The following ABCA13 variants were observed in gnomAD, a reference collection of about 807,000 sequenced individuals.
ABCA13 encodes ATP binding cassette subfamily A member 13, also known as ATP-binding cassette sub-family A member 13.
Under a neutral mutation model 478.7 loss-of-function variants are expected in ABCA13, and 476 were observed. The ratio of observed to expected loss-of-function variants is 0.99; its 90% CI spans 0.92 to 1.07. The LOEUF (loss-of-function observed/expected upper bound fraction) is 1.07. ABCA13 is among the 50% of genes least tolerant of loss of function. The pLI, the probability that ABCA13 is intolerant of heterozygous loss-of-function variation, is 0.00. For synonymous variants in ABCA13, 2,252 were observed against 2,158.9 expected (o/e 1.04, Z -1.20); for missense variants, 6,060 against 5,910.6 (o/e 1.03, Z -0.83).
At chr7:48,333,174 T>C (rs1433124742) in intron 27 of ABCA13, among the ~76,000 whole-genome samples, 1 of 152,186 alleles carries the variant, frequency 6.6e-6, no homozygotes, top group African/African-American at 2.4e-5. Flanking sequence ...GTACCACACA[T>C]TGATCAGCTG....
rs367570188 is a variant in ABCA13, at chr7:48,293,192, G to GCCCCCCCCCCCCCCCCCC, written c.8956-2498_8956-2497insCCCCCCCCCCCCCCCCCC. The stretch of plus-strand genomic sequence containing the variant: ...TTCATCATTTCCTGAGAAGTCTTCA[G>GCCCCCCCCCCCCCCCCCC]CCCCCCCCCCGCCACACACACACTA... On this transcript the variant is annotated intron_variant, in intron 20 of 61. Transcript: ENST00000435803. Among the ~76,000 whole-genome samples, 10 of 108,322 alleles carry GCCCCCCCCCCCCCCCCCC rather than the reference G, an allele frequency of 9.2e-5. 1 individual carries two copies. The highest frequency in any genetic ancestry group is 1.8e-4 in the African/African-American group (6 of 32,952). 71.1% of individuals were successfully genotyped at this position (108,322 alleles called of 152,430 possible). A position where few individuals can be genotyped will look rare whatever the true frequency, so the allele number is the denominator to read the frequency against.
chr7:48,568,972 T>C (rs34836438), intron 55 of ABCA13, among the ~76,000 whole-genome samples: 8,267 of 152,008 alleles, frequency 0.054, 254 homozygotes, highest in South Asian at 0.085. Context: ...TTGGTAGAAA[T>C]ATTTTATTTC....
chr7:48,303,900 AACCTAAC>A (rs1800520771), intron 23 of ABCA13, among the ~76,000 whole-genome samples: 1 of 152,220 alleles, frequency 6.6e-6, no homozygotes, highest in South Asian at 2.1e-4. Flanking sequence ...AGGAAGGTAT[AACCTAAC>A]ACCTATTTAT....
At chr7:48,183,370 C>G (rs1795959201) in intron 1 of ABCA13, among the ~76,000 whole-genome samples, 2 of 152,178 alleles carry the variant, frequency 1.3e-5, no homozygotes, top group Non-Finnish European at 2.9e-5. Flanking sequence ...TAGGCCTGAG[C>G]TTCTGTCCAG....
At chr7:48,564,387 A>G (rs1786807898) in intron 55 of ABCA13, among the ~76,000 whole-genome samples, 4 of 152,068 alleles carry the variant, frequency 2.6e-5, no homozygotes, top group Admixed American at 2.6e-4. Context: ...ACAGCTTATT[A>G]ACAAAAAAAT....
At chr7:48,363,593 A>C (rs1018922858) in intron 31 of ABCA13, among the ~76,000 whole-genome samples, 3 of 151,952 alleles carry the variant, frequency 2.0e-5, no homozygotes, top group African/African-American at 7.2e-5. Flanking sequence ...CTGTGTTTCT[A>C]ATCAATAGAT....
At chr7:48,199,766 A>G (rs748824284) in intron 3 of ABCA13, among the ~76,000 whole-genome samples, 3 of 152,196 alleles carry the variant, frequency 2.0e-5, no homozygotes, top group Non-Finnish European at 4.4e-5. Context: ...AGAGCTTGAG[A>G]CTTAGCAGTG....
At chr7:48,558,551 G>A (rs908142563) in intron 55 of ABCA13, among the ~76,000 whole-genome samples, 7 of 152,032 alleles carry the variant, frequency 4.6e-5, no homozygotes. Context: ...ACCTGCCTTG[G>A]CCTCCCAAAG....
intron 24 of ABCA13, 119 bp downstream of exon 24, chr7:48,310,260 G>A (rs1801574774): frequency 1.8e-6 from 2 of 1,118,580 alleles, no homozygotes; most frequent in East Asian, 4.8e-5. Context: ...CCACTCTGCA[G>A]TGGTCTCCAC....
chr7:48,255,658 T>C (rs1431549178), intron 15 of ABCA13, among the ~76,000 whole-genome samples: 1 of 152,140 alleles, frequency 6.6e-6, no homozygotes, highest in Non-Finnish European at 1.5e-5. Flanking sequence ...TTTATGGCTG[T>C]GTAGTGTTTC....
chr7:48,406,192 T>C (rs1050227650), intron 39 of ABCA13, among the ~76,000 whole-genome samples: 1 of 152,194 alleles, frequency 6.6e-6, no homozygotes, highest in Non-Finnish European at 1.5e-5. Flanking sequence ...GGTACCAGTA[T>C]TTCTGTGTCT....
Position 48,372,188 on chromosome 7 carries a change from G to T in ABCA13, c.10824G>T (p.Val3608=), listed in dbSNP as rs1408969948. The part of the protein sequence containing the change: ...QIEEYMRMMG[V]HPVIHFLAWF... ...GGTAGTATATGCGGATGATGGGAGT[G>T]CATCCAGTGATCCATTTCCTGGCCT... Residue 3608 remains valine (V), a synonymous_variant, in exon 33 of 62, where the codon GTG becomes GTT. Coordinates refer to ENST00000435803, the MANE Select transcript of ABCA13 (RefSeq NM_152701.5). 2 of 1,613,344 alleles carry T rather than the reference G, an allele frequency of 1.2e-6. No homozygotes were observed. The highest frequency in any genetic ancestry group is 8.5e-7 in the Non-Finnish European group (1 of 1,179,428).
At chr7:48,638,410 G>C (rs1489097380) in intron 59 of ABCA13, among the ~76,000 whole-genome samples, 1 of 152,190 alleles carries the variant, frequency 6.6e-6, no homozygotes, top group Non-Finnish European at 1.5e-5. Context: ...TTGTGAAGCT[G>C]TCATGTCCCT....
At chr7:48,408,275 A>G (rs1818527905) in intron 39 of ABCA13, among the ~76,000 whole-genome samples, 5 of 152,118 alleles carry the variant, frequency 3.3e-5, no homozygotes, top group Admixed American at 6.5e-5. Context: ...GGCAACAACC[A>G]TTCTACTCTT....
At chr7:48,459,352 A>C (rs1309578203) in intron 43 of ABCA13, among the ~76,000 whole-genome samples, 1 of 151,636 alleles carries the variant, frequency 6.6e-6, no homozygotes, top group Non-Finnish European at 1.5e-5. Flanking sequence ...AGCCTCTGCC[A>C]CTCCCTTTAT....
chr7:48,447,815 A>T (rs1410167559), intron 42 of ABCA13, among the ~76,000 whole-genome samples: 2 of 152,224 alleles, frequency 1.3e-5, no homozygotes, highest in East Asian at 1.9e-4. Context: ...AGATATTGAG[A>T]TGAATTTAAA....
At chr7:48,604,913 G>T (rs988066984) in intron 58 of ABCA13, among the ~76,000 whole-genome samples, 2 of 152,196 alleles carry the variant, frequency 1.3e-5, no homozygotes, top group African/African-American at 4.8e-5. Context: ...GGGTGCTCCT[G>T]TGTTGGGTGA....
chr7:48,472,597 T>G (rs893715354), intron 45 of ABCA13, among the ~76,000 whole-genome samples: 3 of 151,466 alleles, frequency 2.0e-5, no homozygotes, highest in African/African-American at 7.3e-5. Flanking sequence ...ATGTAATAAG[T>G]GAAAGAAAGA....
intron 15 of ABCA13, among the ~76,000 whole-genome samples, chr7:48,251,524 T>C (rs1029657573): frequency 1.8e-4 from 27 of 152,302 alleles, no homozygotes; most frequent in African/African-American, 5.8e-4. Flanking sequence ...AGTCTCACTC[T>C]GGATCCTGTA....
Sources: gnomAD v4.1 joint callset for allele counts (sites outside exome capture counted in the v4.1 genomes callset) on GRCh38, gnomAD v4.1.1 for gene constraint, MANE v1.5 for transcripts, NCBI Gene and HGNC (gene_info 2026-07-23, HGNC 2026-07-21) for gene names.